Variants in LRRC1 observed in about 807,000 individuals in gnomAD.
LRRC1 encodes the protein leucine-rich repeat-containing protein 1.
LRRC1 carries 28 observed loss-of-function variants against 69.9 expected under a neutral mutation model. That is an observed-to-expected ratio of 0.40 (90% CI 0.30 to 0.55). LRRC1 has a LOEUF of 0.55. Among genes scored for constraint, LRRC1 ranks in the 20% least tolerant of loss-of-function variants. LRRC1 has a pLI of 0.47. For synonymous variants in LRRC1, 236 were observed against 240.2 expected, an observed-to-expected ratio of 0.98 and a Z score of 0.16; for missense variants, 498 against 609.0, an observed-to-expected ratio of 0.82 and a Z score of 1.92.
rs116299231 is a variant in LRRC1 at position 53,861,729 on chromosome 6, C to T, written c.278-17264C>T. On this transcript the variant is annotated intron_variant, in intron 2 of 13. Transcript: ENST00000370888. ...GTGTGTTCACTCCTGGCCCTGCACC[C>T]TCCTCTCACCTTCTCTGTGTGTTAC... 3.7e-3 allele frequency among the ~76,000 whole-genome samples: 567 copies of T among 152,030 alleles called. 7 individuals carry two copies. Among genetic ancestry groups the T allele is most frequent in the African/African-American group, 0.013 (541 of 41,326 alleles).
Position 53,861,023 on chromosome 6 carries a change from C to T in LRRC1, c.278-17970C>T, listed in dbSNP as rs201879011. Among the ~76,000 whole-genome samples, 32 of 151,892 alleles carry T rather than the reference C, an allele frequency of 2.1e-4. No homozygotes were observed. In the East Asian group the frequency reaches 5.2e-3, roughly 25 times the overall value. On this transcript the variant is annotated intron_variant, in intron 2 of 13. Coordinates refer to ENST00000370888, the MANE Select transcript of LRRC1 (RefSeq NM_018214.5). The stretch of plus-strand genomic sequence containing the variant: ...AGAAGGGAACGACAGACACTGGGGC[C>T]GCTTTTAGGGTGACGGGTGAGAGAA...
At chr6:53,884,153 T>C (rs544720607) in intron 4 of LRRC1, 2 of 610,274 alleles carry the variant, frequency 3.3e-6, no homozygotes, top group Non-Finnish European at 5.8e-6. Context: ...TATTTTATTG[T>C]GAATTTCATG....
chr6:53,848,699 G>A (rs1365275520), intron 2 of LRRC1, among the ~76,000 whole-genome samples: 1 of 151,930 alleles, frequency 6.6e-6, no homozygotes, highest in Non-Finnish European at 1.5e-5. Context: ...TTAATATTCT[G>A]TAATCAGAAA....
intron 2 of LRRC1, among the ~76,000 whole-genome samples, chr6:53,848,190 T>C (rs1395533801): frequency 6.6e-6 from 1 of 152,246 alleles, no homozygotes; most frequent in Non-Finnish European, 1.5e-5. Flanking sequence ...CTGGGCAGTG[T>C]TGAGCCCAAA....
Position 53,896,811 on chromosome 6 carries a change from A to G in LRRC1, c.504-18A>G. Reference sequence around the variant, plus strand: ...TCTAAGTATTCTCTAAGTGCTCTTTATTTATTTTTTAAAATAGCTCTCTTA... The same window carrying G: ...TCTAAGTATTCTCTAAGTGCTCTTTGTTTATTTTTTAAAATAGCTCTCTTA... On this transcript the variant is annotated intron_variant, in intron 5 of 13. Transcript: ENST00000370888. The G allele has an allele frequency of 2.0e-6, 3 of 1,531,438 alleles. No homozygotes were observed. Among genetic ancestry groups the G allele is most frequent in the Non-Finnish European group, 2.7e-6 (3 of 1,107,086 alleles). The allele number at this position is 1,531,438 out of a possible 1,614,324, so 94.9% of individuals were successfully genotyped here.
chr6:53,797,379 T>G (rs1291355779), intron 1 of LRRC1, among the ~76,000 whole-genome samples: 2 of 152,228 alleles, frequency 1.3e-5, no homozygotes, highest in East Asian at 3.8e-4. Context: ...TCTCCCTGAC[T>G]TATTGTGTGT....
At chr6:53,838,042 A>G (rs1244255053) in intron 1 of LRRC1, among the ~76,000 whole-genome samples, 2 of 152,228 alleles carry the variant, frequency 1.3e-5, no homozygotes, top group Non-Finnish European at 2.9e-5. Flanking sequence ...AGACAGCTAC[A>G]GGAATTGTTT....
intron 1 of LRRC1, among the ~76,000 whole-genome samples, chr6:53,838,869 A>G (rs183357647): frequency 6.6e-6 from 1 of 152,248 alleles, no homozygotes; most frequent in Non-Finnish European, 1.5e-5. Flanking sequence ...TTTATTTTTT[A>G]AAAAAATATG....
intron 10 of LRRC1, among the ~76,000 whole-genome samples, chr6:53,907,152 T>G (rs1022370795): frequency 2.0e-5 from 3 of 152,260 alleles, no homozygotes; most frequent in Non-Finnish European, 4.4e-5. Context: ...CCTCCAAGCT[T>G]GATGCCATTT....
chr6:53,849,778 T>C lies in LRRC1; in HGVS notation c.277+7551T>C, dbSNP rs530523528. On this transcript the variant is annotated intron_variant, in intron 2 of 13. Coordinates refer to ENST00000370888, the MANE Select transcript of LRRC1 (RefSeq NM_018214.5). ...GAATAAGTCCTTAATCTAACTAAGG[T>C]GTCGGCTCAAAGTGAATAATGAAAA... Among the ~76,000 whole-genome samples, 517 of 152,316 alleles carry C rather than the reference T, an allele frequency of 3.4e-3. 2 individuals carry two copies. Among genetic ancestry groups the C allele is most frequent in the South Asian group, 0.025 (118 of 4,816 alleles).
intron 1 of LRRC1, among the ~76,000 whole-genome samples, chr6:53,829,720 A>G (rs997775616): frequency 6.6e-6 from 1 of 152,154 alleles, no homozygotes; most frequent in African/African-American, 2.4e-5. Flanking sequence ...GTGGTAGCAA[A>G]GAAGCTATTG....
intron 1 of LRRC1, among the ~76,000 whole-genome samples, chr6:53,818,683 G>C (rs889579019): frequency 1.3e-5 from 2 of 152,136 alleles, no homozygotes; most frequent in African/African-American, 2.4e-5. Flanking sequence ...CAGGGGAAAG[G>C]AGTTAAGTAA....
Position 53,922,889 on chromosome 6 carries a change from A to G in LRRC1, c.*96A>G. On this transcript the variant is annotated 3_prime_UTR_variant, in exon 14 of 14. Coordinates refer to ENST00000370888, the MANE Select transcript of LRRC1 (RefSeq NM_018214.5). ...GCCTCACGTGCTCCTTGTCCTAACC[A>G]GCCCCCGCGCGCCATCTTCCCGTGG... 1 of 1,215,160 alleles carries G rather than the reference A, an allele frequency of 8.2e-7. No individual in the cohort carries two copies. The highest frequency in any genetic ancestry group is 2.4e-5 in the East Asian group (1 of 42,310). 75.3% of individuals were successfully genotyped at this position (1,215,160 alleles called of 1,614,324 possible).
At chr6:53,919,694 T>G in intron 12 of LRRC1, 24 bp downstream of exon 12, 1 of 1,604,484 alleles carries the variant, frequency 6.2e-7, no homozygotes, top group Non-Finnish European at 8.5e-7. Flanking sequence ...AAGGACAGTA[T>G]TCACAGGGCC....
intron 1 of LRRC1, among the ~76,000 whole-genome samples, chr6:53,816,183 C>T (rs970125769): frequency 2.0e-5 from 3 of 152,140 alleles, no homozygotes; most frequent in Non-Finnish European, 4.4e-5. Flanking sequence ...ATACTTTTGA[C>T]ACTGGGCTAT....
chr6:53,913,517 T>G (rs1361414610), intron 10 of LRRC1, among the ~76,000 whole-genome samples: 1 of 152,248 alleles, frequency 6.6e-6, no homozygotes, highest in African/African-American at 2.4e-5. Context: ...TTTTCTGGAT[T>G]GTATAGTTTG....
chr6:53,818,673 CAG>C (rs1464993624), intron 1 of LRRC1, among the ~76,000 whole-genome samples: 1 of 152,108 alleles, frequency 6.6e-6, no homozygotes, highest in African/African-American at 2.4e-5. Context: ...AGAAAGATAA[CAG>C]GGGAAAGGAG....
Position 53,902,763 on chromosome 6 carries a change from A to G in LRRC1, c.906+16A>G. 1 of 1,484,150 alleles carries G rather than the reference A, an allele frequency of 6.7e-7. No homozygotes were observed. The highest frequency in any genetic ancestry group is 9.3e-7 in the Non-Finnish European group (1 of 1,072,800). 91.9% of individuals were successfully genotyped at this position (1,484,150 alleles called of 1,614,324 possible). ...TCAGCTCCTGGTAAGTGTGGTTTGCACATATATCATAAAGACTTACTAGGG... is the reference window on the plus strand; with the variant it reads ...TCAGCTCCTGGTAAGTGTGGTTTGCGCATATATCATAAAGACTTACTAGGG... On this transcript the variant is annotated intron_variant, in intron 9 of 13. Transcript: ENST00000370888.
intron 7 of LRRC1, among the ~76,000 whole-genome samples, 168 bp from the exon 8 acceptor site, chr6:53,899,579 A>T (rs1030146561): frequency 1.3e-5 from 2 of 152,190 alleles, no homozygotes; most frequent in African/African-American, 2.4e-5. Context: ...TCCCACTTTC[A>T]TTGGAAGGGG....
Sources: gnomAD v4.1 joint callset for allele counts (sites outside exome capture counted in the v4.1 genomes callset) on GRCh38, gnomAD v4.1.1 for gene constraint, MANE v1.5 for transcripts, NCBI Gene and HGNC (gene_info 2026-07-23, HGNC 2026-07-21) for gene names.